The following ADAMTS19 variants were observed in gnomAD, a reference collection of about 807,000 sequenced individuals.
ADAMTS19 encodes the protein A disintegrin and metalloproteinase with thrombospondin motifs 19.
In ADAMTS19, 93 loss-of-function variants were observed where a neutral mutation model predicts 153.3. The observed-to-expected ratio is 0.61, with a 90% CI of 0.51 to 0.72. The LOEUF (loss-of-function observed/expected upper bound fraction) is 0.72. ADAMTS19 is among the 30% of genes least tolerant of loss of function. The pLI, the probability that ADAMTS19 is intolerant of heterozygous loss-of-function variation, is 0.00. For synonymous variants in ADAMTS19, 600 were observed against 556.6 expected (o/e 1.08, Z -1.10); for missense variants, 1,482 against 1,552.1 (o/e 0.95, Z 0.76).
At chr5:129,599,917 G>C (rs958191987) in intron 8 of ADAMTS19, among the ~76,000 whole-genome samples, 1 of 152,110 alleles carries the variant, frequency 6.6e-6, no homozygotes, top group African/African-American at 2.4e-5. Flanking sequence ...CCCCATAGCA[G>C]TAAGCAATAT....
chr5:129,667,507 A>C (rs1754107277), intron 16 of ADAMTS19, among the ~76,000 whole-genome samples: 1 of 152,096 alleles, frequency 6.6e-6, no homozygotes, highest in South Asian at 2.1e-4. Flanking sequence ...ATTTCTCACA[A>C]ATGGTTTAGC....
At chr5:129,526,554 T>A in intron 4 of ADAMTS19, 98 bp downstream of exon 4, 1 of 1,183,746 alleles carries the variant, frequency 8.4e-7, no homozygotes. Context: ...ATTAACTCAT[T>A]ACTATTCCTT....
At chr5:129,528,473 T>C in intron 5 of ADAMTS19, 47 bp from the exon 6 acceptor site, 1 of 1,448,894 alleles carries the variant, frequency 6.9e-7, no homozygotes, top group Non-Finnish European at 9.2e-7. Context: ...TTGTTTTGTA[T>C]ATACCTAAGA....
chr5:129,620,909 G>A (rs1234521780), intron 9 of ADAMTS19, 151 bp downstream of exon 9: 1 of 697,488 alleles, frequency 1.4e-6, no homozygotes, highest in Non-Finnish European at 2.2e-6. Context: ...ATTAACTCAT[G>A]GTGTAGTTTG....
intron 2 of ADAMTS19, among the ~76,000 whole-genome samples, chr5:129,484,315 T>C (rs1750518583): frequency 6.6e-6 from 1 of 152,222 alleles, no homozygotes; most frequent in Admixed American, 6.5e-5. Flanking sequence ...TTATTTTAAA[T>C]TCTGCACATC....
At chr5:129,573,242 T>C (rs915795595) in intron 7 of ADAMTS19, among the ~76,000 whole-genome samples, 22 of 152,088 alleles carry the variant, frequency 1.4e-4, no homozygotes, top group Non-Finnish European at 4.4e-5. Context: ...TTGCAGATTT[T>C]AGTGAGTTTC....
intron 2 of ADAMTS19, among the ~76,000 whole-genome samples, chr5:129,505,354 A>C (rs1751236305): frequency 6.6e-6 from 1 of 152,120 alleles, no homozygotes; most frequent in South Asian, 2.1e-4. Flanking sequence ...AAGAATGGAG[A>C]GTGTTATATT....
chr5:129,664,377 G>A (rs544888640), intron 15 of ADAMTS19, among the ~76,000 whole-genome samples: 4 of 152,158 alleles, frequency 2.6e-5, no homozygotes, highest in East Asian at 1.9e-4. Flanking sequence ...TAATTGCTGC[G>A]TATTTTGGTC....
At chr5:129,547,636 G>T (rs906380930) in intron 6 of ADAMTS19, among the ~76,000 whole-genome samples, 2 of 150,440 alleles carry the variant, frequency 1.3e-5, no homozygotes, top group African/African-American at 2.5e-5. Context: ...TCCCCATCAA[G>T]CTACCAATGA....
intron 8 of ADAMTS19, among the ~76,000 whole-genome samples, chr5:129,596,870 T>C (rs1035085636): frequency 3.3e-5 from 5 of 152,112 alleles, no homozygotes; most frequent in African/African-American, 1.2e-4. Context: ...TAAAATCTTA[T>C]TACATTATTA....
At chr5:129,635,651 A>G (rs964445951) in intron 10 of ADAMTS19, among the ~76,000 whole-genome samples, 5 of 152,182 alleles carry the variant, frequency 3.3e-5, no homozygotes, top group Non-Finnish European at 5.9e-5. Context: ...TAATGCAGGA[A>G]CAGAAAACCG....
At chr5:129,638,229 T>C (rs549088028) in intron 10 of ADAMTS19, among the ~76,000 whole-genome samples, 1 of 152,300 alleles carries the variant, frequency 6.6e-6, no homozygotes, top group African/African-American at 2.4e-5. Context: ...AGGTGTATTT[T>C]TGTGGGAAGA....
intron 15 of ADAMTS19, among the ~76,000 whole-genome samples, chr5:129,664,999 C>G (rs1292012591): frequency 6.6e-6 from 1 of 152,120 alleles, no homozygotes; most frequent in African/African-American, 2.4e-5. Flanking sequence ...GGTTTCAAAA[C>G]CCTTTGTTAA....
At chr5:129,650,585 G>C (rs1190397829) in intron 13 of ADAMTS19, among the ~76,000 whole-genome samples, 3 of 152,092 alleles carry the variant, frequency 2.0e-5, no homozygotes, top group Non-Finnish European at 4.4e-5. Flanking sequence ...CTGCTATATG[G>C]CAGAATTTTA....
At chr5:129,725,723 C>T (rs1282302257) in intron 21 of ADAMTS19, among the ~76,000 whole-genome samples, 1 of 151,992 alleles carries the variant, frequency 6.6e-6, no homozygotes, top group Non-Finnish European at 1.5e-5. Context: ...CCACTTCTGC[C>T]CTGGTCATGT....
intron 9 of ADAMTS19, 36 bp from the exon 10 acceptor site, chr5:129,622,162 A>C: frequency 6.2e-7 from 1 of 1,612,714 alleles, no homozygotes; most frequent in African/African-American, 1.3e-5. Context: ...TTTTTACATT[A>C]AATTCAAAAG....
In ADAMTS19 at chr5:129,461,072, G is replaced by T; in HGVS notation, c.92-30G>T. 7.4e-7 allele frequency: 1 copy of T among 1,353,268 alleles called. No homozygotes were observed. Among genetic ancestry groups the T allele is most frequent in the Non-Finnish European group, 9.5e-7 (1 of 1,056,830 alleles). 83.8% of individuals were successfully genotyped at this position (1,353,268 alleles called of 1,614,324 possible). A position where few individuals can be genotyped will look rare whatever the true frequency, so the allele number is the denominator to read the frequency against. ...TGCTACTGGAACCGCGGCACTTTAA[G>T]CCCCGCACTTCTGTCTGCCCCGCCC... On this transcript the variant is annotated intron_variant, in intron 1 of 22. Coordinates refer to ENST00000274487, the MANE Select transcript of ADAMTS19 (RefSeq NM_133638.6). The surrounding 1 kb of genome is among the most constrained non-coding windows in gnomAD (Gnocchi z 4.6).
intron 7 of ADAMTS19, among the ~76,000 whole-genome samples, chr5:129,585,128 A>G (rs1239261521): frequency 6.6e-6 from 1 of 151,720 alleles, no homozygotes; most frequent in Non-Finnish European, 1.5e-5. Flanking sequence ...ACAGTCCCTC[A>G]TGGCTCCCCT....
chr5:129,519,275 G>T (rs954626440), intron 3 of ADAMTS19, among the ~76,000 whole-genome samples: 1 of 152,068 alleles, frequency 6.6e-6, no homozygotes, highest in South Asian at 2.1e-4. Flanking sequence ...TCTTTTGGGA[G>T]CTAGGACCTG....
Sources: gnomAD v4.1 joint callset for allele counts (sites outside exome capture counted in the v4.1 genomes callset) on GRCh38, gnomAD v4.1.1 for gene constraint, Gnocchi (gnomAD v3.1) non-coding constraint, MANE v1.5 for transcripts, NCBI Gene and HGNC (gene_info 2026-07-23, HGNC 2026-07-21) for gene names.